The following FEZ2 variants were observed in gnomAD, a reference collection of about 807,000 sequenced individuals.
The protein encoded by FEZ2 is fasciculation and elongation protein zeta-2.
FEZ2 carries 51 observed loss-of-function variants against 40.4 expected under a neutral mutation model. The ratio of observed to expected loss-of-function variants is 1.26; its 90% confidence interval spans 1.01 to 1.59. The LOEUF (loss-of-function observed/expected upper bound fraction) is 1.59. Ranked by LOEUF, FEZ2 falls within the 40% of genes most tolerant of loss-of-function variation. The probability of loss-of-function intolerance (pLI) is 0.00; values close to 1 mark genes in which losing one functional copy is unlikely to be tolerated. For missense variants in FEZ2, 640 were observed against 438.3 expected, an observed-to-expected ratio of 1.46 and a Z score of -4.11; for synonymous variants, 242 against 172.0, an observed-to-expected ratio of 1.41 and a Z score of -3.18.
intron 5 of FEZ2, among the ~76,000 whole-genome samples, chr2:36,572,451 CT>C (rs1478837887): frequency 6.6e-6 from 1 of 152,156 alleles, no homozygotes; most frequent in African/African-American, 2.4e-5. Context: ...ACTTTTTGTT[CT>C]ACTTTTTAAT....
At chr2:36,596,606 G>C (rs1051015799) in intron 1 of FEZ2, among the ~76,000 whole-genome samples, 1 of 152,018 alleles carries the variant, frequency 6.6e-6, no homozygotes, top group Non-Finnish European at 1.5e-5. Context: ...TGGGACCACG[G>C]GCATGCGCCA....
intron 5 of FEZ2, 67 bp downstream of exon 5, chr2:36,578,530 C>G: frequency 6.5e-7 from 1 of 1,527,944 alleles, no homozygotes; most frequent in Non-Finnish European, 8.8e-7. Flanking sequence ...TGCCACCAGC[C>G]CCAAAGGCTG....
intron 5 of FEZ2, among the ~76,000 whole-genome samples, chr2:36,563,474 T>C (rs777871488): frequency 5.9e-5 from 9 of 151,312 alleles, no homozygotes; most frequent in East Asian, 5.8e-4. Flanking sequence ...TCTTGATCCA[T>C]TGGAAAATTA....
intron 6 of FEZ2, chr2:36,557,448 C>T (rs910483793): frequency 4.6e-5 from 7 of 152,172 alleles, no homozygotes; most frequent in African/African-American, 1.4e-4. Context: ...AAGACACTTG[C>T]TTCTACTCTT....
intron 5 of FEZ2, among the ~76,000 whole-genome samples, chr2:36,564,120 CAG>C (rs1357589408): frequency 6.6e-6 from 1 of 152,192 alleles, no homozygotes; most frequent in Non-Finnish European, 1.5e-5. Context: ...GTGCTAAGAA[CAG>C]AGACTGGCAC....
chr2:36,560,808 CA>C, intron 5 of FEZ2: 1 of 1,609,926 alleles, frequency 6.2e-7, no homozygotes, highest in East Asian at 2.2e-5. Context: ...CCTGAATTTC[CA>C]AAGGTGTGGC....
chr2:36,575,153 G>T (rs1668524572), intron 5 of FEZ2, among the ~76,000 whole-genome samples: 1 of 152,148 alleles, frequency 6.6e-6, no homozygotes, highest in Non-Finnish European at 1.5e-5. Context: ...GCTCCAGGAA[G>T]GCATGGGATG....
At chr2:36,574,947 G>A (rs1668519271) in intron 5 of FEZ2, among the ~76,000 whole-genome samples, 1 of 152,192 alleles carries the variant, frequency 6.6e-6, no homozygotes, top group African/African-American at 2.4e-5. Flanking sequence ...GAATTGGAAA[G>A]GGACTAGGCA....
chr2:36,597,286 C>T (rs1236259558), intron 1 of FEZ2, among the ~76,000 whole-genome samples: 2 of 152,170 alleles, frequency 1.3e-5, no homozygotes, highest in Non-Finnish European at 2.9e-5. Flanking sequence ...AGTCAGATCT[C>T]GTTTGCACAT....
At chr2:36,558,206 A>T (rs1668002274) in intron 6 of FEZ2, 1 of 319,858 alleles carries the variant, frequency 3.1e-6, no homozygotes, top group African/African-American at 2.1e-5. Flanking sequence ...TTTAGCTCAT[A>T]AATATTTCAC....
intron 4 of FEZ2, among the ~76,000 whole-genome samples, chr2:36,579,898 A>G (rs901141466): frequency 1.3e-5 from 2 of 152,156 alleles, no homozygotes; most frequent in East Asian, 1.9e-4. Flanking sequence ...GGGGGTCTTT[A>G]AAGAGGTAAA....
At chr2:36,592,566 G>A (rs1381376316) in intron 1 of FEZ2, among the ~76,000 whole-genome samples, 1 of 147,268 alleles carries the variant, frequency 6.8e-6, no homozygotes, top group Non-Finnish European at 1.5e-5. Context: ...AGCATTTTGG[G>A]AAGCCAAAGT....
chr2:36,595,554 C>T (rs535305617), intron 1 of FEZ2, among the ~76,000 whole-genome samples: 7 of 152,250 alleles, frequency 4.6e-5, no homozygotes, highest in African/African-American at 1.4e-4. Flanking sequence ...TGCTCACTCA[C>T]TCAGCCACTC....
intron 5 of FEZ2, among the ~76,000 whole-genome samples, chr2:36,566,717 G>C (rs1668251122): frequency 6.6e-6 from 1 of 152,204 alleles, no homozygotes; most frequent in Non-Finnish European, 1.5e-5. Flanking sequence ...GGACAGAAAA[G>C]TGCTGAATTA....
chr2:36,572,482 A>G (rs933576396), intron 5 of FEZ2, among the ~76,000 whole-genome samples: 6 of 152,222 alleles, frequency 3.9e-5, no homozygotes, highest in Admixed American at 3.9e-4. Context: ...TCTAAATCAG[A>G]GATTGGCAAA....
At position 36,552,461 on chromosome 2, in the gene FEZ2, C is replaced by CT; in HGVS notation, c.*701dup. 1 of 270,724 alleles carries CT rather than the reference C, an allele frequency of 3.7e-6. No homozygotes were observed. The highest frequency in any genetic ancestry group is 7.2e-6 in the Non-Finnish European group (1 of 138,536). 16.8% of individuals were successfully genotyped at this position (270,724 alleles called of 1,614,324 possible). A position where few individuals can be genotyped will look rare whatever the true frequency, so the allele number is the denominator to read the frequency against. Reference sequence around the variant, plus strand: ...TCTCAAGCACCTCAGAGGACACACACTTAAAGTACAATTCTTCACAGACAC... The same window carrying CT: ...TCTCAAGCACCTCAGAGGACACACACTTTAAAGTACAATTCTTCACAGACAC... On this transcript the variant is annotated 3_prime_UTR_variant, in exon 8 of 8. Transcript: ENST00000405912.
intron 2 of FEZ2, chr2:36,589,941 G>C (rs1292040878): frequency 6.6e-6 from 1 of 152,212 alleles, no homozygotes; most frequent in Non-Finnish European, 1.5e-5. Context: ...ATTATTATTT[G>C]ATAAGGAACT....
intron 5 of FEZ2, among the ~76,000 whole-genome samples, chr2:36,575,111 G>C (rs1668522905): frequency 6.6e-6 from 1 of 151,990 alleles, no homozygotes; most frequent in Admixed American, 6.6e-5. Flanking sequence ...TTTTTTCCTT[G>C]TTTATTGCCT....
At chr2:36,591,837 C>T (rs1276994597) in intron 1 of FEZ2, among the ~76,000 whole-genome samples, 1 of 152,184 alleles carries the variant, frequency 6.6e-6, no homozygotes, top group Non-Finnish European at 1.5e-5. Context: ...TAGGTATCCT[C>T]TGCCCTTCTA....
Sources: allele counts gnomAD v4.1 joint callset (sites outside exome capture counted in the v4.1 genomes callset), GRCh38; gene constraint gnomAD v4.1.1; transcripts MANE v1.5; gene names NCBI Gene and HGNC (gene_info 2026-07-23, HGNC 2026-07-21).